Variants in WDPCP observed in about 807,000 individuals in gnomAD.
WDPCP encodes WD repeat-containing and planar cell polarity effector protein fritz homolog.
In WDPCP, 71 loss-of-function variants were observed where a neutral mutation model predicts 93.1. That is an observed-to-expected ratio of 0.76 (90% CI 0.63 to 0.93). WDPCP has a LOEUF of 0.93. Ranked by LOEUF, WDPCP falls within the 40% of genes least tolerant of loss-of-function variation. The pLI is 0.00. For synonymous variants in WDPCP, 315 were observed against 315.0 expected, an observed-to-expected ratio of 1.00 and a Z score of 0.00; for missense variants, 844 against 887.4, an observed-to-expected ratio of 0.95 and a Z score of 0.62.
chr2:63,129,237 C>A (rs1427747489), intron 17 of WDPCP, among the ~76,000 whole-genome samples: 1 of 152,178 alleles, frequency 6.6e-6, no homozygotes, highest in Non-Finnish European at 1.5e-5. Context: ...TTGCTATGAA[C>A]ACAGGTGTGA....
chr2:63,124,881 T>C (rs77239605), intron 17 of WDPCP, among the ~76,000 whole-genome samples: 2 of 152,038 alleles, frequency 1.3e-5, no homozygotes, highest in Admixed American at 6.6e-5. Context: ...TTTTTTTTTT[T>C]CCACTATAGT....
intron 3 of WDPCP, among the ~76,000 whole-genome samples, chr2:63,610,374 A>T (rs1281908601): frequency 6.6e-6 from 1 of 152,212 alleles, no homozygotes. Flanking sequence ...GTGGATAGCC[A>T]GTGCAGCTTT....
At chr2:63,442,565 TAAA>T (rs1037260493) in intron 6 of WDPCP, 1 of 152,158 alleles carries the variant, frequency 6.6e-6, no homozygotes, top group African/African-American at 2.4e-5. Flanking sequence ...TTTGTCTTTT[TAAA>T]AACCTTGTAA....
chr2:63,210,653 A>G (rs952969286), intron 14 of WDPCP, among the ~76,000 whole-genome samples: 3 of 152,214 alleles, frequency 2.0e-5, no homozygotes, highest in Non-Finnish European at 4.4e-5. Context: ...GAGGAAGGGC[A>G]AGGCATTGCC....
intron 3 of WDPCP, among the ~76,000 whole-genome samples, chr2:63,614,913 T>C (rs755144091): frequency 1.3e-5 from 2 of 152,220 alleles, no homozygotes; most frequent in Non-Finnish European, 2.9e-5. Flanking sequence ...AACCTAAGCA[T>C]AAAAACAGAC....
intron 2 of WDPCP, among the ~76,000 whole-genome samples, chr2:63,660,110 T>C (rs557564922): frequency 1.3e-5 from 2 of 152,338 alleles, no homozygotes; most frequent in East Asian, 3.9e-4. Context: ...CTTTTATCTT[T>C]GGCAATATAA....
At chr2:63,358,569 A>G (rs1484741747) in intron 12 of WDPCP, among the ~76,000 whole-genome samples, 1 of 152,018 alleles carries the variant, frequency 6.6e-6, no homozygotes, top group African/African-American at 2.4e-5. Context: ...CAACCCTCCC[A>G]CCTCAGCCTC....
chr2:63,634,879 T>C (rs892891203), intron 3 of WDPCP, among the ~76,000 whole-genome samples: 2 of 151,714 alleles, frequency 1.3e-5, no homozygotes, highest in South Asian at 2.1e-4. Flanking sequence ...GAAAATAAGA[T>C]CAGAGCAGAA....
Position 63,575,507 on chromosome 2 carries a change from A to AGTGTATACG in WDPCP, c.75+12689_75+12690insCGTATACAC, listed in dbSNP as rs70965139. Reference sequence around the variant, plus strand: ...TATATATAGTATATACAGTATATACACTGTATATATAGTATATACAGTATA... The same window carrying AGTGTATACG: ...TATATATAGTATATACAGTATATACAGTGTATACGCTGTATATATAGTATATACAGTATA... On this transcript the variant is annotated intron_variant, in intron 1 of 17. Coordinates refer to ENST00000272321, the MANE Select transcript of WDPCP (RefSeq NM_015910.7). Among the ~76,000 whole-genome samples the AGTGTATACG allele has an allele frequency of 4.9e-4, 47 of 95,606 alleles. 18 individuals carry two copies. Among genetic ancestry groups the AGTGTATACG allele is most frequent in the South Asian group, 1.3e-3 (4 of 2,998 alleles). 62.7% of individuals were successfully genotyped at this position (95,606 alleles called of 152,430 possible). A position where few individuals can be genotyped will look rare whatever the true frequency, so the allele number is the denominator to read the frequency against.
intron 2 of WDPCP, among the ~76,000 whole-genome samples, chr2:63,809,913 A>C (rs570148235): frequency 2.0e-4 from 30 of 151,860 alleles, no homozygotes; most frequent in African/African-American, 6.8e-4. Context: ...ATCAATAAAA[A>C]ATAAATAAAT....
At chr2:63,162,440 A>C (rs1282293064) in intron 15 of WDPCP, among the ~76,000 whole-genome samples, 1 of 152,052 alleles carries the variant, frequency 6.6e-6, no homozygotes, top group Non-Finnish European at 1.5e-5. Flanking sequence ...TTGTTTTTGC[A>C]AGATTTTTAG....
intron 17 of WDPCP, among the ~76,000 whole-genome samples, chr2:63,138,064 A>G (rs1423434891): frequency 8.7e-6 from 1 of 115,116 alleles, no homozygotes; most frequent in African/African-American, 3.5e-5. Context: ...TTTAGGTTCC[A>G]TATGATTTTT....
At chr2:63,599,175 T>C in intron 3 of WDPCP, 1 of 1,613,644 alleles carries the variant, frequency 6.2e-7, no homozygotes. Context: ...CCTAGGTTAT[T>C]GTTGTGGGTA....
chr2:63,405,532 A>AGTGTGTGTGTGTGTGT lies in WDPCP; in HGVS notation c.826-891_826-876dup, dbSNP rs55807956. On this transcript the variant is annotated intron_variant, in intron 9 of 17. Transcript: ENST00000272321. ...GCTAAGTATATGCAGATTTTGGTAT[A>AGTGTGTGTGTGTGTGT]GTGTGTGTGTGTGTGTGTGTGTGTG... is the stretch of plus-strand genomic sequence containing the variant. Among the ~76,000 whole-genome samples, 169 of 125,004 alleles carry AGTGTGTGTGTGTGTGT rather than the reference A, an allele frequency of 1.4e-3. 2 individuals are homozygous for AGTGTGTGTGTGTGTGT. The highest frequency in any genetic ancestry group is 5.2e-3 in the African/African-American group (164 of 31,756). 82.0% of individuals were successfully genotyped at this position (125,004 alleles called of 152,430 possible). A position where few individuals can be genotyped will look rare whatever the true frequency, so the allele number is the denominator to read the frequency against.
intron 12 of WDPCP, among the ~76,000 whole-genome samples, chr2:63,325,628 C>T (rs1007208858): frequency 6.6e-6 from 1 of 152,180 alleles, no homozygotes; most frequent in Non-Finnish European, 1.5e-5. Flanking sequence ...TTTCTCCCAC[C>T]TCCTCAGTTG....
At chr2:63,708,328 G>A (rs993730232) in intron 2 of WDPCP, among the ~76,000 whole-genome samples, 3 of 152,124 alleles carry the variant, frequency 2.0e-5, no homozygotes, top group East Asian at 3.8e-4. Flanking sequence ...GGGCAATGGC[G>A]GGCCCCCCTC....
intron 3 of WDPCP, among the ~76,000 whole-genome samples, chr2:63,611,605 T>C (rs1457995977): frequency 6.6e-6 from 1 of 152,200 alleles, no homozygotes; most frequent in Non-Finnish European, 1.5e-5. Context: ...CCTTGTGAAA[T>C]TGGTATGAGA....
intron 1 of WDPCP, among the ~76,000 whole-genome samples, chr2:63,583,551 C>G (rs376071585): frequency 6.6e-6 from 1 of 151,788 alleles, no homozygotes; most frequent in Non-Finnish European, 1.5e-5. Context: ...TGTGGTGGCA[C>G]GTGCCTGTAG....
At chr2:63,316,925 A>G (rs1170265011) in intron 12 of WDPCP, among the ~76,000 whole-genome samples, 2 of 152,200 alleles carry the variant, frequency 1.3e-5, no homozygotes, top group Admixed American at 6.5e-5. Context: ...AGCCAAATCA[A>G]GAATGCAATT....
Sources: gnomAD v4.1 joint callset for allele counts (sites outside exome capture counted in the v4.1 genomes callset) on GRCh38, gnomAD v4.1.1 for gene constraint, MANE v1.5 for transcripts, NCBI Gene and HGNC (gene_info 2026-07-23, HGNC 2026-07-21) for gene names.